The following NHLRC2 variants were observed in gnomAD, a reference collection of about 807,000 sequenced individuals.
The protein encoded by NHLRC2 is NHL repeat-containing protein 2.
NHLRC2 carries 33 observed loss-of-function variants against 68.1 expected under a neutral mutation model. That is an observed-to-expected ratio of 0.48 (90% confidence interval 0.37 to 0.65). NHLRC2 has a LOEUF of 0.65. NHLRC2 is among the 30% of genes least tolerant of loss of function. The pLI, the probability that NHLRC2 is intolerant of heterozygous loss-of-function variation, is 0.00. For synonymous variants in NHLRC2, 311 were observed against 309.6 expected, an observed-to-expected ratio of 1.00 and a Z score of -0.05; for missense variants, 761 against 853.8, an observed-to-expected ratio of 0.89 and a Z score of 1.35.
rs1845724024 is a variant in NHLRC2, at chr10:113,854,764, A to T, written c.-109A>T. On this transcript the variant is annotated 5_prime_UTR_variant, in exon 1 of 11. Coordinates refer to ENST00000369301, the MANE Select transcript of NHLRC2 (RefSeq NM_198514.4). ...CATTGGCGTGGAGTGGGGCTAGTGG[A>T]GGGTGAGGTGAATGCGCCGTTTGGA... The T allele has an allele frequency of 1.2e-6, 1 of 826,944 alleles. No homozygotes were observed. Among genetic ancestry groups the T allele is most frequent in the African/African-American group, 1.7e-5 (1 of 57,262 alleles). 51.2% of individuals were successfully genotyped at this position (826,944 alleles called of 1,614,324 possible). A position where few individuals can be genotyped will look rare whatever the true frequency, so the allele number is the denominator to read the frequency against.
chr10:113,866,230 T>C (rs1053324757), intron 2 of NHLRC2, among the ~76,000 whole-genome samples: 10 of 152,220 alleles, frequency 6.6e-5, no homozygotes, highest in Non-Finnish European at 1.5e-4. Flanking sequence ...ACCTACTTAA[T>C]AGGAATGAAT....
chr10:113,905,765 A>C (rs1226728739), intron 10 of NHLRC2, among the ~76,000 whole-genome samples: 1 of 152,098 alleles, frequency 6.6e-6, no homozygotes, highest in East Asian at 1.9e-4. Context: ...TGGGTAATTC[A>C]TTCCTTCTTA....
chr10:113,877,072 A>G, intron 3 of NHLRC2, 96 bp downstream of exon 3: 1 of 747,774 alleles, frequency 1.3e-6, no homozygotes, highest in Non-Finnish European at 2.1e-6. Context: ...ATGAAAACTA[A>G]TTATAGAAAA....
At chr10:113,869,187 G>T (rs1156816805) in intron 2 of NHLRC2, among the ~76,000 whole-genome samples, 1 of 152,192 alleles carries the variant, frequency 6.6e-6, no homozygotes, top group Non-Finnish European at 1.5e-5. Context: ...ACTAGTCATA[G>T]CTGATAAGAG....
At chr10:113,907,804 C>T (rs1371674916) in intron 10 of NHLRC2, among the ~76,000 whole-genome samples, 2 of 151,910 alleles carry the variant, frequency 1.3e-5, no homozygotes, top group Non-Finnish European at 2.9e-5. Flanking sequence ...TCATTATTAA[C>T]CAGAAAGTCA....
chr10:113,887,244 G>C (rs1034642201), intron 5 of NHLRC2, among the ~76,000 whole-genome samples: 1 of 152,150 alleles, frequency 6.6e-6, no homozygotes, highest in Non-Finnish European at 1.5e-5. Flanking sequence ...GAGAACCTTT[G>C]TACACTGTTG....
chr10:113,897,967 A>T (rs1313793691), intron 5 of NHLRC2, 143 bp from the exon 6 acceptor site: 14 of 455,046 alleles, frequency 3.1e-5, no homozygotes, highest in Non-Finnish European at 5.4e-5. Flanking sequence ...TTTCAAAGAT[A>T]ACTTGAAACA....
chr10:113,891,003 C>T (rs1187183314), intron 5 of NHLRC2, among the ~76,000 whole-genome samples: 1 of 152,170 alleles, frequency 6.6e-6, no homozygotes, highest in Non-Finnish European at 1.5e-5. Context: ...AACTCATTCA[C>T]TATCATGAGA....
At chr10:113,879,799 A>T (rs917482869) in intron 4 of NHLRC2, 104 bp downstream of exon 4, 4 of 716,012 alleles carry the variant, frequency 5.6e-6, no homozygotes, top group African/African-American at 3.8e-5. Flanking sequence ...ATGTATGTCA[A>T]TGTCCTTGTT....
At chr10:113,884,167 T>C in intron 4 of NHLRC2, 84 bp from the exon 5 acceptor site, 1 of 1,257,392 alleles carries the variant, frequency 8.0e-7, no homozygotes, top group Admixed American at 2.0e-5. Flanking sequence ...AAATGTTCTA[T>C]TGACTATTGA....
Position 113,910,871 on chromosome 10 carries a change from T to C in NHLRC2, c.*2335T>C, listed in dbSNP as rs993270109. The C allele has an allele frequency of 6.6e-6, 1 of 152,142 alleles. No homozygotes were observed. The highest frequency in any genetic ancestry group is 6.5e-5 in the Admixed American group (1 of 15,280). 9.4% of individuals were successfully genotyped at this position (152,142 alleles called of 1,614,324 possible). ...TTACCCACTGCCAGTCTGCATTGTT[T>C]TTTACATTAAAAGTATTATTTATAG... On this transcript the variant is annotated 3_prime_UTR_variant, in exon 11 of 11. Coordinates refer to ENST00000369301, the MANE Select transcript of NHLRC2 (RefSeq NM_198514.4).
intron 2 of NHLRC2, among the ~76,000 whole-genome samples, chr10:113,863,447 T>C (rs971951315): frequency 3.9e-5 from 6 of 152,114 alleles, no homozygotes; most frequent in African/African-American, 7.2e-5. Flanking sequence ...ACAAAACTTA[T>C]GGCACATGGT....
At chr10:113,877,011 T>C (rs763347609) in intron 3 of NHLRC2, 35 bp downstream of exon 3, 3 of 1,244,576 alleles carry the variant, frequency 2.4e-6, no homozygotes, top group East Asian at 4.7e-5. Flanking sequence ...AGATAACGTG[T>C]TTTACAGTAA....
At chr10:113,863,403 G>A (rs1270207715) in intron 2 of NHLRC2, among the ~76,000 whole-genome samples, 1 of 152,140 alleles carries the variant, frequency 6.6e-6, no homozygotes, top group Middle Eastern at 3.4e-3. Flanking sequence ...GTAATTATTA[G>A]AAAATACTTA....
At chr10:113,902,995 T>C (rs749463314) in intron 8 of NHLRC2, among the ~76,000 whole-genome samples, 3 of 152,270 alleles carry the variant, frequency 2.0e-5, no homozygotes, top group Non-Finnish European at 4.4e-5. Context: ...TTTCCATTTT[T>C]GTCTATTAAA....
chr10:113,877,818 A>G (rs979992156), intron 3 of NHLRC2, among the ~76,000 whole-genome samples: 2 of 152,152 alleles, frequency 1.3e-5, no homozygotes, highest in African/African-American at 4.8e-5. Context: ...GTTATTCTTA[A>G]TATACCAAGA....
At chr10:113,858,412 TCTCA>T in intron 1 of NHLRC2, 112 bp from the exon 2 acceptor site, 1 of 660,970 alleles carries the variant, frequency 1.5e-6, no homozygotes, top group African/African-American at 1.8e-5. Flanking sequence ...GGTGCTACTC[TCTCA>T]AAGTGTTTAT....
chr10:113,903,048 G>C (rs1319899442), intron 8 of NHLRC2, among the ~76,000 whole-genome samples: 1 of 152,038 alleles, frequency 6.6e-6, no homozygotes, highest in African/African-American at 2.4e-5. Flanking sequence ...ACAAAAATCA[G>C]TGGATAATAA....
At position 113,904,948 on chromosome 10, in the gene NHLRC2, G is replaced by C. The variant is rs1180089284; in HGVS notation, c.1836G>C (p.Gln612His). 1 of 1,589,640 alleles carries C rather than the reference G, an allele frequency of 6.3e-7. No homozygotes were observed. Among genetic ancestry groups the C allele is most frequent in the African/African-American group, 1.4e-5 (1 of 73,426 alleles). Residue 612 changes from glutamine to histidine, a missense_variant, in exon 10 of 11, where the codon CAG becomes CAC. Gln to His is a conservative substitution (Grantham distance 24). Coordinates refer to ENST00000369301, the MANE Select transcript of NHLRC2 (RefSeq NM_198514.4). Reference protein sequence around the residue: ...RLSPVTACAGQTLQFKLRLDL... With the variant: ...RLSPVTACAGHTLQFKLRLDL... ...CCCCCGTGACTGCGTGTGCTGGCCA[G>C]ACTCTTCAGTTCAAACTCAGATTAG...
Sources: gnomAD v4.1 joint callset for allele counts (sites outside exome capture counted in the v4.1 genomes callset) on GRCh38, gnomAD v4.1.1 for gene constraint, MANE v1.5 for transcripts, NCBI Gene and HGNC (gene_info 2026-07-23, HGNC 2026-07-21) for gene names.